Variants in SLIT3 observed in about 807,000 individuals in gnomAD.
SLIT3 encodes the protein slit guidance ligand 3, also known as slit homolog 3 protein.
SLIT3 carries 68 observed loss-of-function variants against 184.0 expected under a neutral mutation model. The observed-to-expected ratio is 0.37, with a 90% CI of 0.30 to 0.45. The LOEUF (loss-of-function observed/expected upper bound fraction) is 0.45, where lower values mean the gene tolerates loss of function less well. SLIT3 is among the 20% of genes least tolerant of loss of function. The pLI, the probability that SLIT3 is intolerant of heterozygous loss-of-function variation, is 1.00. For missense variants in SLIT3, 1,707 were observed against 2,026.0 expected, an observed-to-expected ratio of 0.84 and a Z score of 3.02; for synonymous variants, 831 against 828.6, an observed-to-expected ratio of 1.00 and a Z score of -0.05.
chr5:168,981,841 T>C (rs1412396100), intron 4 of SLIT3, among the ~76,000 whole-genome samples: 1 of 152,218 alleles, frequency 6.6e-6, no homozygotes, highest in Non-Finnish European at 1.5e-5. Flanking sequence ...TCTAGGAGCC[T>C]GGATGTTTAA....
At chr5:168,982,098 G>A (rs1754970056) in intron 4 of SLIT3, among the ~76,000 whole-genome samples, 2 of 152,120 alleles carry the variant, frequency 1.3e-5, no homozygotes, top group African/African-American at 4.8e-5. Flanking sequence ...CTAATTATGT[G>A]CATTCTGATA....
At chr5:169,194,551 T>C (rs1191072101) in intron 3 of SLIT3, among the ~76,000 whole-genome samples, 2 of 152,200 alleles carry the variant, frequency 1.3e-5, no homozygotes. Context: ...TGCAAATATA[T>C]TATTACATAA....
intron 33 of SLIT3, among the ~76,000 whole-genome samples, 161 bp from the exon 34 acceptor site, chr5:168,671,644 G>C (rs1761250249): frequency 6.6e-6 from 1 of 152,152 alleles, no homozygotes; most frequent in Non-Finnish European, 1.5e-5. Context: ...CTCCATACAG[G>C]GACGTGCATC....
At chr5:168,934,182 C>A (rs939891867) in intron 4 of SLIT3, among the ~76,000 whole-genome samples, 45 of 152,168 alleles carry the variant, frequency 3.0e-4, no homozygotes, top group Admixed American at 2.0e-3. Context: ...GAACGCTCCT[C>A]GTAGATGGCA....
chr5:168,945,595 G>A (rs1214172123), intron 4 of SLIT3, among the ~76,000 whole-genome samples: 1 of 152,176 alleles, frequency 6.6e-6, no homozygotes, highest in African/African-American at 2.4e-5. Flanking sequence ...TCTCCACAGA[G>A]GTTCTGTGTC....
chr5:169,297,412 G>A (rs554631929), intron 1 of SLIT3, among the ~76,000 whole-genome samples: 7 of 152,110 alleles, frequency 4.6e-5, no homozygotes, highest in South Asian at 4.1e-4. Context: ...CCCCACTCAG[G>A]TTTTCCTTAA....
At chr5:169,181,362 G>A (rs1763149310) in intron 4 of SLIT3, among the ~76,000 whole-genome samples, 2 of 152,144 alleles carry the variant, frequency 1.3e-5, no homozygotes, top group Non-Finnish European at 2.9e-5. Context: ...ACAGATATAG[G>A]AAGAAGACTA....
chr5:168,835,389 G>T (rs1481111633), intron 6 of SLIT3, among the ~76,000 whole-genome samples: 1 of 151,582 alleles, frequency 6.6e-6, no homozygotes, highest in Non-Finnish European at 1.5e-5. Flanking sequence ...AGAGCTTTTT[G>T]ACAATGAGTT....
In SLIT3 at chr5:168,968,977, T is replaced by C. The variant is rs1044191264; in HGVS notation, c.414-85641A>G. The stretch of plus-strand genomic sequence containing the variant: ...AGTCTACGAATAGGGCAAAGCCTAT[T>C]TGTTGGTGATAGGTGCAGTTTCCTC... On this transcript the variant is annotated intron_variant, in intron 4 of 35. Transcript: ENST00000519560. Among the ~76,000 whole-genome samples, 9 of 152,170 alleles carry C rather than the reference T, an allele frequency of 5.9e-5. 1 individual carries two copies. Among genetic ancestry groups the C allele is most frequent in the Non-Finnish European group, 8.8e-5 (6 of 68,020 alleles).
At chr5:169,275,292 A>T (rs923070780) in intron 1 of SLIT3, among the ~76,000 whole-genome samples, 2 of 152,210 alleles carry the variant, frequency 1.3e-5, no homozygotes, top group East Asian at 1.9e-4. Flanking sequence ...TCAGTTAGTT[A>T]TACGACTGTC....
chr5:168,787,025 G>A (rs969027297), intron 11 of SLIT3, among the ~76,000 whole-genome samples: 13 of 152,136 alleles, frequency 8.5e-5, no homozygotes, highest in African/African-American at 2.2e-4. Flanking sequence ...ATTAGGATGC[G>A]GAAATGGTAA....
At chr5:169,214,222 G>A (rs917256196) in intron 3 of SLIT3, among the ~76,000 whole-genome samples, 4 of 152,356 alleles carry the variant, frequency 2.6e-5, no homozygotes, top group East Asian at 1.9e-4. Context: ...CTGGTTCCAA[G>A]TAAGTTGACA....
At chr5:168,862,404 T>G (rs1194377171) in intron 5 of SLIT3, among the ~76,000 whole-genome samples, 1 of 152,170 alleles carries the variant, frequency 6.6e-6, no homozygotes, top group Non-Finnish European at 1.5e-5. Flanking sequence ...TTAAAGGGAA[T>G]GGGGCCAGGG....
In SLIT3 at chr5:168,665,962, C is replaced by T. The variant is rs564433913; in HGVS notation, c.*492G>A. ...GAGTTAAAAAACAAGAAACAAAGGT[C>T]TTTTCCTTCTCTCTCTTCCTCTTAT... On this transcript the variant is annotated 3_prime_UTR_variant, in exon 36 of 36. Transcript: ENST00000519560. The T allele has an allele frequency of 6.6e-6, 1 of 152,354 alleles. No individual in the cohort carries two copies. The highest frequency in any genetic ancestry group is 2.1e-4 in the South Asian group (1 of 4,820). 9.4% of individuals were successfully genotyped at this position (152,354 alleles called of 1,614,324 possible).
At chr5:168,711,643 T>C (rs1762564448) in intron 24 of SLIT3, among the ~76,000 whole-genome samples, 1 of 152,130 alleles carries the variant, frequency 6.6e-6, no homozygotes, top group South Asian at 2.1e-4. Context: ...TAAATATGCA[T>C]ATAGAAGGAA....
intron 4 of SLIT3, among the ~76,000 whole-genome samples, chr5:169,032,127 C>T (rs767132470): frequency 7.9e-5 from 12 of 152,170 alleles, no homozygotes; most frequent in Non-Finnish European, 1.3e-4. Flanking sequence ...CCAAACTCAG[C>T]GGGTTATTAG....
chr5:169,078,706 A>G (rs1758845181), intron 4 of SLIT3, among the ~76,000 whole-genome samples: 1 of 152,224 alleles, frequency 6.6e-6, no homozygotes, highest in Non-Finnish European at 1.5e-5. Context: ...TTTGCACACA[A>G]TATCTCAATA....
chr5:168,936,281 C>T (rs1762155343), intron 4 of SLIT3, among the ~76,000 whole-genome samples: 1 of 152,160 alleles, frequency 6.6e-6, no homozygotes, highest in South Asian at 2.1e-4. Flanking sequence ...TGTCACCTGG[C>T]TGGAGTTCAG....
intron 1 of SLIT3, among the ~76,000 whole-genome samples, chr5:169,285,360 T>C (rs1767120205): frequency 6.6e-6 from 1 of 152,206 alleles, no homozygotes; most frequent in African/African-American, 2.4e-5. Context: ...TAAGCTTCTA[T>C]AGAGAAATGC....
Sources: gnomAD v4.1 joint callset for allele counts (sites outside exome capture counted in the v4.1 genomes callset) on GRCh38, gnomAD v4.1.1 for gene constraint, MANE v1.5 for transcripts, NCBI Gene and HGNC (gene_info 2026-07-23, HGNC 2026-07-21) for gene names.